BICRAL: variants seen among roughly 807,000 people sequenced by gnomAD.
The protein encoded by BICRAL is BICRA like chromatin remodeling complex associated protein.
In BICRAL, 8 loss-of-function variants were observed where a neutral mutation model predicts 91.8. That is an observed-to-expected ratio of 0.09 (90% CI 0.05 to 0.16). The LOEUF is 0.16. Ranked by LOEUF, BICRAL falls within the 10% of genes least tolerant of loss-of-function variation. BICRAL has a pLI of 1.00. For missense variants in BICRAL, 1,038 were observed against 1,310.9 expected (o/e 0.79, Z 3.21); for synonymous variants, 445 against 491.1 (o/e 0.91, Z 1.24).
intron 1 of BICRAL, among the ~76,000 whole-genome samples, chr6:42,768,153 G>A (rs1204257623): frequency 1.3e-5 from 2 of 152,206 alleles, no homozygotes; most frequent in Non-Finnish European, 2.9e-5. Context: ...ACTGAGAGCA[G>A]TGGAAATGAA....
chr6:42,834,553 A>G (rs1039259200), intron 6 of BICRAL, among the ~76,000 whole-genome samples: 1 of 152,190 alleles, frequency 6.6e-6, no homozygotes, highest in Non-Finnish European at 1.5e-5. Context: ...AATTTAAGGA[A>G]CAGCTTTTCC....
chr6:42,777,566 G>T (rs555752098), upstream of BICRAL, among the ~76,000 whole-genome samples: 1 of 152,260 alleles, frequency 6.6e-6, no homozygotes, highest in South Asian at 2.1e-4. Context: ...GTATGTGTTG[G>T]TATTTCTGTG....
intron 7 of BICRAL, among the ~76,000 whole-genome samples, chr6:42,853,410 A>G (rs1056344525): frequency 6.6e-6 from 1 of 152,146 alleles, no homozygotes; most frequent in African/African-American, 2.4e-5. Context: ...TGGAGCTTCT[A>G]TTTATTACTA....
chr6:42,769,797 TC>T, intron 1 of BICRAL, among the ~76,000 whole-genome samples: 1 of 152,276 alleles, frequency 6.6e-6, no homozygotes, highest in South Asian at 2.1e-4. Flanking sequence ...AACTTAAAGA[TC>T]ACCACCACAG....
rs541609603 is a variant in BICRAL, at chr6:42,750,335, A to T, written c.-261+3312A>T. Among the ~76,000 whole-genome samples the T allele has an allele frequency of 6.9e-5, 10 of 145,570 alleles. No individual in the cohort carries two copies. In the South Asian group the frequency reaches 1.8e-3, roughly 26 times the overall value. The stretch of plus-strand genomic sequence containing the variant: ...ACCACCACTCCCAGCTAAATTTGGT[A>T]TTTTTTTTTGCAAAGACAGGGTTTT... On this transcript the variant is annotated intron_variant, in intron 1 of 14. Coordinates refer to the BICRAL transcript ENST00000614467.
intron 1 of BICRAL, among the ~76,000 whole-genome samples, chr6:42,788,075 A>AT (rs1422353078): frequency 7.9e-5 from 12 of 151,638 alleles, no homozygotes; most frequent in African/African-American, 1.2e-4. Context: ...TTAAAAAAAA[A>AT]TTTTTTTTAT....
At position 42,809,410 on chromosome 6, in the gene BICRAL, C is replaced by T. The variant is rs17661901; in HGVS notation, c.-101-896C>T. On this transcript the variant is annotated intron_variant, in intron 1 of 12. Transcript: ENST00000314073. ...GTCGTTTATTGCCTATGTTAATTGT[C>T]GTCTTTTCCAACTATGAGAATTTTT... Among the ~76,000 whole-genome samples, 30 of 148,350 alleles carry T rather than the reference C, an allele frequency of 2.0e-4. No homozygotes were observed. In the East Asian group the frequency reaches 4.5e-3, roughly 22 times the overall value.
intron 3 of BICRAL, 74 bp downstream of exon 3, chr6:42,822,137 A>C (rs769347362): frequency 4.9e-6 from 4 of 808,514 alleles, no homozygotes; most frequent in Admixed American, 4.1e-5. Flanking sequence ...ACCTAATAGC[A>C]TATAACACCT....
chr6:42,784,267 C>T (rs1174866622), intron 1 of BICRAL, among the ~76,000 whole-genome samples: 1 of 152,062 alleles, frequency 6.6e-6, no homozygotes, highest in African/African-American at 2.4e-5. Flanking sequence ...TTAAAAGCAT[C>T]CATGTAAGTA....
intron 1 of BICRAL, among the ~76,000 whole-genome samples, chr6:42,748,592 A>G (rs1762328252): frequency 6.6e-6 from 1 of 152,248 alleles, no homozygotes; most frequent in Non-Finnish European, 1.5e-5. Context: ...AGAAAAGGAA[A>G]CAGTTAAAAA....
chr6:42,756,277 C>T (rs973765528), intron 1 of BICRAL, among the ~76,000 whole-genome samples: 2 of 152,176 alleles, frequency 1.3e-5, no homozygotes, highest in African/African-American at 4.8e-5. Flanking sequence ...CTTTGTAGCC[C>T]TAAGTATTTG....
chr6:42,824,434 T>G (rs1473643018), intron 5 of BICRAL, among the ~76,000 whole-genome samples: 1 of 152,112 alleles, frequency 6.6e-6, no homozygotes, highest in Non-Finnish European at 1.5e-5. Flanking sequence ...AGCCTCTGCC[T>G]CCTGGGTTCA....
chr6:42,787,917 A>G (rs1239395230), intron 1 of BICRAL, among the ~76,000 whole-genome samples: 1 of 151,194 alleles, frequency 6.6e-6, no homozygotes, highest in Non-Finnish European at 1.5e-5. Flanking sequence ...TTTTTAAGAC[A>G]AGATGTCACT....
At chr6:42,851,028 T>C (rs1164031799) in intron 6 of BICRAL, among the ~76,000 whole-genome samples, 4 of 149,580 alleles carry the variant, frequency 2.7e-5, no homozygotes, top group East Asian at 2.0e-4. Context: ...CTACTAAAAA[T>C]AGAAAAATTA....
chr6:42,822,190 A>G (rs969411056), intron 3 of BICRAL, 127 bp downstream of exon 3: 4 of 591,662 alleles, frequency 6.8e-6, no homozygotes, highest in Non-Finnish European at 1.2e-5. Context: ...TCATAGGTTT[A>G]GTAGAGAAAC....
At chr6:42,864,084 T>G (rs1765636224) in intron 12 of BICRAL, among the ~76,000 whole-genome samples, 1 of 151,864 alleles carries the variant, frequency 6.6e-6, no homozygotes, top group Non-Finnish European at 1.5e-5. Flanking sequence ...GGAGAATCGC[T>G]TGAACCGAGG....
chr6:42,831,745 C>CCTTTTTTT (rs796400023), intron 6 of BICRAL, among the ~76,000 whole-genome samples: 1 of 144,756 alleles, frequency 6.9e-6, no homozygotes. Context: ...ATTTCAAAAT[C>CCTTTTTTT]TTTTTTTTTT....
chr6:42,829,077 T>C lies in BICRAL; in HGVS notation c.744T>C (p.Asn248=). The change falls in exon 6 of 13, where the codon AAT becomes AAC. Residue 248 remains asparagine (N), a synonymous_variant. Coordinates refer to ENST00000314073, the MANE Select transcript of BICRAL (RefSeq NM_001393499.1). The stretch of plus-strand genomic sequence containing the variant: ...GCAGCGGGCAGCAAGCCCCATCAAA[T>C]GTGAGTGGAGGGCTCCTGGTTCATA... ...LKGSGQQAPS[N]VSGGLLVHRQ... 1 of 1,614,148 alleles carries C rather than the reference T, an allele frequency of 6.2e-7. No individual in the cohort carries two copies. Among genetic ancestry groups the C allele is most frequent in the Non-Finnish European group, 8.5e-7 (1 of 1,180,008 alleles).
chr6:42,853,125 A>G (rs1364582602), intron 7 of BICRAL, among the ~76,000 whole-genome samples: 2 of 151,028 alleles, frequency 1.3e-5, no homozygotes, highest in African/African-American at 4.9e-5. Context: ...AATTATCCCC[A>G]TGTTGCTCTC....
Sources: allele counts gnomAD v4.1 joint callset (sites outside exome capture counted in the v4.1 genomes callset), GRCh38; gene constraint gnomAD v4.1.1; transcripts MANE v1.5; gene names NCBI Gene and HGNC (gene_info 2026-07-23, HGNC 2026-07-21).